Variants in ARHGEF28 observed in about 807,000 individuals in gnomAD.
ARHGEF28 encodes the protein Rho guanine nucleotide exchange factor 28.
Under a neutral mutation model 206.6 loss-of-function variants are expected in ARHGEF28, and 152 were observed. The observed-to-expected ratio is 0.74, with a 90% CI of 0.64 to 0.84. ARHGEF28 has a LOEUF of 0.84. Among genes scored for constraint, ARHGEF28 ranks in the 40% least tolerant of loss-of-function variants. The pLI is 0.00. For synonymous variants in ARHGEF28, 763 were observed against 776.4 expected (o/e 0.98, Z 0.29); for missense variants, 2,028 against 2,073.2 (o/e 0.98, Z 0.42).
intron 16 of ARHGEF28, among the ~76,000 whole-genome samples, chr5:73,862,282 G>A (rs1759448507): frequency 6.6e-6 from 1 of 152,092 alleles, no homozygotes; most frequent in South Asian, 2.1e-4. Context: ...TTCATTAGAT[G>A]CCTTTTGCAT....
chr5:73,813,215 T>G (rs1432597782), intron 9 of ARHGEF28, among the ~76,000 whole-genome samples: 1 of 152,166 alleles, frequency 6.6e-6, no homozygotes, highest in Non-Finnish European at 1.5e-5. Context: ...TCTCTTTCAA[T>G]TCCCAGTTAC....
At chr5:73,830,422 C>T (rs920760537) in intron 9 of ARHGEF28, among the ~76,000 whole-genome samples, 19 of 151,904 alleles carry the variant, frequency 1.3e-4, no homozygotes, top group African/African-American at 2.7e-4. Context: ...GGTGTGGTGG[C>T]GGGCACCTGT....
intron 2 of ARHGEF28, among the ~76,000 whole-genome samples, chr5:73,697,643 T>C (rs1310460182): frequency 2.0e-5 from 3 of 152,138 alleles, no homozygotes; most frequent in Non-Finnish European, 2.9e-5. Context: ...TAGATTGACC[T>C]ATTCATGAGG....
chr5:73,866,050 T>A, intron 18 of ARHGEF28, 37 bp downstream of exon 18: 1 of 1,478,726 alleles, frequency 6.8e-7, no homozygotes. Context: ...CTTTTAAAAA[T>A]TTAATACATA....
At chr5:73,848,387 A>G (rs1758494739) in intron 12 of ARHGEF28, among the ~76,000 whole-genome samples, 1 of 152,184 alleles carries the variant, frequency 6.6e-6, no homozygotes, top group Non-Finnish European at 1.5e-5. Context: ...CCAAACATCC[A>G]CCCCAGAAAG....
chr5:73,858,181 A>G lies in ARHGEF28; in HGVS notation c.2009A>G (p.Asp670Gly), dbSNP rs1759170868. ...GGGGTTCTGCAGTGTTTGGTTTGTG[A>G]TAAAACACTCCTGGGGAAAGAGTCA... ...FSGVLQCLVC[D>G]KTLLGKESLQ... Residue 670 changes from aspartate (D) to glycine (G), a missense_variant, in exon 16 of 36, where the codon GAT becomes GGT. Physicochemically the swap from Asp to Gly is moderately conservative, Grantham distance 94 (BLOSUM62 -1). Transcript: ENST00000513042. The G allele has an allele frequency of 5.0e-6, 8 of 1,609,676 alleles. No homozygotes were observed. Among genetic ancestry groups the G allele is most frequent in the Non-Finnish European group, 5.9e-6 (7 of 1,178,744 alleles).
chr5:73,871,570 A>T (rs1215322873), intron 21 of ARHGEF28, among the ~76,000 whole-genome samples: 1 of 152,126 alleles, frequency 6.6e-6, no homozygotes, highest in Non-Finnish European at 1.5e-5. Context: ...GTAAATTGTG[A>T]GTTGTTATTT....
At chr5:73,815,225 C>T (rs901799750) in intron 9 of ARHGEF28, among the ~76,000 whole-genome samples, 5 of 150,662 alleles carry the variant, frequency 3.3e-5, no homozygotes, top group Non-Finnish European at 5.9e-5. Context: ...CACAAGCATG[C>T]GCTTATAAAA....
intron 4 of ARHGEF28, among the ~76,000 whole-genome samples, chr5:73,765,817 G>T (rs1439693551): frequency 6.6e-6 from 1 of 152,126 alleles, no homozygotes; most frequent in African/African-American, 2.4e-5. Flanking sequence ...TTATTTTAAT[G>T]AGTTGAATTT....
At position 73,868,139 on chromosome 5, in the gene ARHGEF28, C is replaced by A; in HGVS notation, c.2337C>A (p.Asp779Glu). 1 of 1,610,316 alleles carries A rather than the reference C, an allele frequency of 6.2e-7. No homozygotes were observed. The highest frequency in any genetic ancestry group is 8.5e-7 in the Non-Finnish European group (1 of 1,178,212). Residue 779 changes from aspartate (D) to glutamate (E), a missense_variant, in exon 20 of 36, where the codon GAC becomes GAA. Asp to Glu is a conservative substitution (Grantham distance 45). Coordinates refer to ENST00000513042, the MANE Select transcript of ARHGEF28 (RefSeq NM_001177693.2). The part of the protein sequence containing the change: ...RSATSLESES[D>E]HNSCRSRSHS... The stretch of plus-strand genomic sequence containing the variant: ...CCACATCCTTGGAGTCTGAGAGTGA[C>A]CATAACAGCTGCAGAAGCAGGTCTC...
chr5:73,896,620 G>A (rs1230291643), intron 29 of ARHGEF28, among the ~76,000 whole-genome samples: 3 of 152,156 alleles, frequency 2.0e-5, no homozygotes, highest in African/African-American at 7.2e-5. Flanking sequence ...ATTGACAATG[G>A]GAGCAGAGAG....
At chr5:73,908,250 C>G (rs960656055) in intron 33 of ARHGEF28, 1 of 152,060 alleles carries the variant, frequency 6.6e-6, no homozygotes, top group Non-Finnish European at 1.5e-5. Context: ...TATTCCAAGA[C>G]AAGTATGAAT....
intron 1 of ARHGEF28, among the ~76,000 whole-genome samples, chr5:73,680,041 G>A (rs1746963487): frequency 6.6e-6 from 1 of 152,196 alleles, no homozygotes. Flanking sequence ...CAAAGTGAAT[G>A]AGTCTTGTGT....
In ARHGEF28 at chr5:73,894,934, G is replaced by A. The variant is rs757344925; in HGVS notation, c.3841+359G>A. On this transcript the variant is annotated intron_variant, in intron 29 of 35. Coordinates refer to ENST00000513042, the MANE Select transcript of ARHGEF28 (RefSeq NM_001177693.2). Reference sequence around the variant, plus strand: ...TGAGGGAGAGTCTTCCAGGCGTAGGGAATGGCCGGCACAAAGGTCCTGGTG... The same window carrying A: ...TGAGGGAGAGTCTTCCAGGCGTAGGAAATGGCCGGCACAAAGGTCCTGGTG... 2.9e-4 allele frequency among the ~76,000 whole-genome samples: 44 copies of A among 151,874 alleles called. 1 individual carries two copies. Among genetic ancestry groups the A allele is most frequent in the Non-Finnish European group, 2.1e-4 (14 of 67,964 alleles).
intron 35 of ARHGEF28, among the ~76,000 whole-genome samples, chr5:73,935,881 GA>G (rs1238454322): frequency 6.6e-6 from 1 of 152,178 alleles, no homozygotes; most frequent in Non-Finnish European, 1.5e-5. Context: ...GATGGAATGG[GA>G]TAAGACAGGG....
chr5:73,756,316 T>A lies in ARHGEF28; in HGVS notation c.475+3114T>A, dbSNP rs117905333. 1.2e-3 allele frequency among the ~76,000 whole-genome samples: 181 copies of A among 152,362 alleles called. 3 individuals carry two copies. In the East Asian group the frequency reaches 0.033, roughly 28 times the overall value. Reference sequence around the variant, plus strand: ...TATATGTGCATAGGTAGAAAGCAGATACAATTGGTTTGGACAAATGAAGCT... The same window carrying A: ...TATATGTGCATAGGTAGAAAGCAGAAACAATTGGTTTGGACAAATGAAGCT... On this transcript the variant is annotated intron_variant, in intron 4 of 35. Transcript: ENST00000513042.
At chr5:73,909,298 A>G (rs2112724100) in intron 33 of ARHGEF28, 114 bp from the exon 34 acceptor site, 1 of 1,429,278 alleles carries the variant, frequency 7.0e-7, no homozygotes, top group South Asian at 1.5e-5. Flanking sequence ...CAGAAATATT[A>G]AGAGAAGTGA....
intron 13 of ARHGEF28, among the ~76,000 whole-genome samples, chr5:73,852,017 T>C (rs1398873473): frequency 6.6e-6 from 1 of 152,118 alleles, no homozygotes; most frequent in African/African-American, 2.4e-5. Flanking sequence ...TCTAAATCAG[T>C]GTCTCTACTC....
chr5:73,881,642 G>A (rs1760959592), intron 22 of ARHGEF28, among the ~76,000 whole-genome samples: 1 of 152,178 alleles, frequency 6.6e-6, no homozygotes, highest in East Asian at 1.9e-4. Flanking sequence ...TAAATTTTAA[G>A]TACTTTTAAG....
Sources: gnomAD v4.1 joint callset for allele counts (sites outside exome capture counted in the v4.1 genomes callset) on GRCh38, gnomAD v4.1.1 for gene constraint, MANE v1.5 for transcripts, NCBI Gene and HGNC (gene_info 2026-07-23, HGNC 2026-07-21) for gene names.